The following PLAAT2 variants were observed in gnomAD, a reference collection of about 807,000 sequenced individuals.
The protein encoded by PLAAT2 is HRAS like suppressor 2.
PLAAT2 carries 12 observed loss-of-function variants against 12.8 expected under a neutral mutation model. That is an observed-to-expected ratio of 0.94 (90% confidence interval 0.60 to 1.52). The LOEUF (loss-of-function observed/expected upper bound fraction) is 1.52, where lower values mean the gene tolerates loss of function less well. Among genes scored for constraint, PLAAT2 ranks in the 40% most tolerant of loss-of-function variants. The pLI is 0.00. For missense variants in PLAAT2, 166 were observed against 208.1 expected (o/e 0.80, Z 1.24); for synonymous variants, 79 against 86.8 (o/e 0.91, Z 0.50).
rs2017508713 is a variant in PLAAT2, at chr11:63,560,400, C to G, written c.10-207G>C. Among the ~76,000 whole-genome samples, 2 of 152,242 alleles carry G rather than the reference C, an allele frequency of 1.3e-5. 1 individual carries two copies. The highest frequency in any genetic ancestry group is 3.9e-4 in the East Asian group (2 of 5,192). On this transcript the variant is annotated intron_variant, in intron 1 of 3. Coordinates refer to ENST00000255695, the MANE Select transcript of PLAAT2 (RefSeq NM_017878.2). ...GACTGAAAAGTTGCTCTTCAGGGGA[C>G]AAGGAGGAGATGAAGAGAGTATCTT...
chr11:63,561,600 G>T (rs776968643), intron 1 of PLAAT2, among the ~76,000 whole-genome samples: 1 of 136,188 alleles, frequency 7.3e-6, no homozygotes, highest in Non-Finnish European at 1.5e-5. Context: ...AGCAGAGATC[G>T]TGCCACTGCA....
chr11:63,557,984 G>C (rs768161799), intron 3 of PLAAT2, among the ~76,000 whole-genome samples: 1 of 152,150 alleles, frequency 6.6e-6, no homozygotes, highest in Non-Finnish European at 1.5e-5. Flanking sequence ...ACACATGTAG[G>C]TTTAACTCCC....
At chr11:63,554,079 A>G (rs894120105) in intron 3 of PLAAT2, among the ~76,000 whole-genome samples, 3 of 148,188 alleles carry the variant, frequency 2.0e-5, no homozygotes, top group Non-Finnish European at 4.5e-5. Flanking sequence ...GCTAGCCGAG[A>G]CAGTCTGCTG....
At chr11:63,563,517 G>T, upstream of PLAAT2, 1 of 592,732 alleles carries the variant, frequency 1.7e-6, no homozygotes, top group Non-Finnish European at 3.0e-6. Context: ...AGGAGATCGA[G>T]ACCATCCTGA....
chr11:63,563,907 A>G (rs1451881133), upstream of PLAAT2, among the ~76,000 whole-genome samples: 1 of 152,110 alleles, frequency 6.6e-6, no homozygotes, highest in Non-Finnish European at 1.5e-5. Flanking sequence ...CACAGCTGAC[A>G]ATCACCAAGT....
upstream of PLAAT2, among the ~76,000 whole-genome samples, chr11:63,563,991 A>T (rs765208203): frequency 6.6e-6 from 1 of 152,078 alleles, no homozygotes; most frequent in Non-Finnish European, 1.5e-5. Context: ...ATGGGGGAAA[A>T]TTTCAAAAAG....
At chr11:63,558,892 A>G (rs1294942870) in intron 2 of PLAAT2, among the ~76,000 whole-genome samples, 2 of 152,232 alleles carry the variant, frequency 1.3e-5, no homozygotes, top group African/African-American at 4.8e-5. Flanking sequence ...GCTCTAAAGG[A>G]CCATGTGAGT....
Position 63,552,889 on chromosome 11 carries a change from A to T in PLAAT2, c.*75T>A. On this transcript the variant is annotated 3_prime_UTR_variant, in exon 4 of 4. Transcript: ENST00000255695. Reference sequence around the variant, plus strand: ...TGAACACAAAACAGTAAAATCAGTAAACCAAACTCCACTCCTGCTGGCTAA... The same window carrying T: ...TGAACACAAAACAGTAAAATCAGTATACCAAACTCCACTCCTGCTGGCTAA... The T allele has an allele frequency of 1.0e-6, 1 of 988,070 alleles. No individual in the cohort carries two copies. Among genetic ancestry groups the T allele is most frequent in the Non-Finnish European group, 1.6e-6 (1 of 622,640 alleles). The allele number at this position is 988,070 out of a possible 1,614,324, so 61.2% of individuals were successfully genotyped here.
At chr11:63,561,574 G>A (rs2017518646) in intron 1 of PLAAT2, among the ~76,000 whole-genome samples, 1 of 148,870 alleles carries the variant, frequency 6.7e-6, no homozygotes. Flanking sequence ...GAACCCGGGA[G>A]GCAGGGGTTG....
At chr11:63,557,133 T>C (rs1383472575) in intron 3 of PLAAT2, among the ~76,000 whole-genome samples, 5 of 152,242 alleles carry the variant, frequency 3.3e-5, no homozygotes, top group East Asian at 3.8e-4. Flanking sequence ...ATATGTAATA[T>C]GCAATATACC....
At chr11:63,553,367 C>G (rs1185382184) in intron 3 of PLAAT2, among the ~76,000 whole-genome samples, 1 of 151,972 alleles carries the variant, frequency 6.6e-6, no homozygotes, top group Non-Finnish European at 1.5e-5. Flanking sequence ...AGGTCGGGCT[C>G]AGTGGTTCAC....
intron 3 of PLAAT2, among the ~76,000 whole-genome samples, chr11:63,555,149 C>T (rs2017455360): frequency 6.6e-6 from 1 of 152,120 alleles, no homozygotes; most frequent in Non-Finnish European, 1.5e-5. Context: ...TTCTAACCTC[C>T]CACGGATATT....
chr11:63,558,310 C>T (rs959427743), intron 3 of PLAAT2, 82 bp downstream of exon 3: 5 of 1,501,556 alleles, frequency 3.3e-6, no homozygotes, highest in African/African-American at 1.4e-5. Context: ...TCCATCCCAC[C>T]CTGGCCCCAG....
In PLAAT2 at chr11:63,560,127, T is replaced by C; in HGVS notation, c.76A>G (p.Ile26Val). Residue 26 changes from isoleucine (I) to valine (V), a missense_variant, in exon 2 of 4, where the codon ATC becomes GTC. Transcript: ENST00000255695. ...ACCACATAGCCATCTCCCACGTAGATGGCCCAGTGTGCATAGCCAAAGCGA... is the reference window on the plus strand; with the variant it reads ...ACCACATAGCCATCTCCCACGTAGACGGCCCAGTGTGCATAGCCAAAGCGA... The part of the protein sequence containing the change: ...ISRFGYAHWA[I>V]YVGDGYVVHL... 6.2e-7 allele frequency: 1 copy of C among 1,613,800 alleles called. No homozygotes were observed. The highest frequency in any genetic ancestry group is 8.5e-7 in the Non-Finnish European group (1 of 1,179,822).
intron 3 of PLAAT2, among the ~76,000 whole-genome samples, chr11:63,558,091 C>T (rs1037987422): frequency 6.6e-6 from 1 of 152,058 alleles, no homozygotes; most frequent in African/African-American, 2.4e-5. Flanking sequence ...CTCAGTTTCC[C>T]CATCTGTAAA....
intron 2 of PLAAT2, 134 bp downstream of exon 2, chr11:63,559,951 A>G: frequency 1.7e-6 from 1 of 596,022 alleles, no homozygotes; most frequent in Non-Finnish European, 3.0e-6. Flanking sequence ...TAGCAGGAAA[A>G]AGCACAATTC....
At position 63,553,044 on chromosome 11, in the gene PLAAT2, C is replaced by G. The variant is rs146149089; in HGVS notation, c.409G>C (p.Val137Leu). 20 of 1,613,220 alleles carry G rather than the reference C, an allele frequency of 1.2e-5. No homozygotes were observed. The highest frequency in any genetic ancestry group is 1.6e-5 in the Non-Finnish European group (19 of 1,179,512). ...SDQVTGAVTT[V>L]GVAAGLLAAA... is the part of the protein sequence containing the mutation. ...GCCAGCAGGCCTGCTGCCACACCTA[C>G]TGTCGTGACTGCACCAGTGACCTGC... is the stretch of plus-strand genomic sequence containing the variant. The change falls in exon 4 of 4, where the codon GTA becomes CTA. Residue 137 changes from valine (V) to leucine (L), a missense_variant. Physicochemically the swap from Val to Leu is conservative, Grantham distance 32. Transcript: ENST00000255695.
chr11:63,559,925 T>C (rs760978781), intron 2 of PLAAT2, among the ~76,000 whole-genome samples, 160 bp downstream of exon 2: 2 of 152,202 alleles, frequency 1.3e-5, no homozygotes, highest in African/African-American at 4.8e-5. Context: ...AAAAGAAGAA[T>C]AGCAGTTGCT....
chr11:63,559,491 C>T (rs1241979405), intron 2 of PLAAT2, among the ~76,000 whole-genome samples: 2 of 149,142 alleles, frequency 1.3e-5, no homozygotes, highest in Non-Finnish European at 3.0e-5. Context: ...CAGAAAAAGC[C>T]CTTCTCATCT....
Sources: allele counts gnomAD v4.1 joint callset (sites outside exome capture counted in the v4.1 genomes callset), GRCh38; gene constraint gnomAD v4.1.1; transcripts MANE v1.5; gene names NCBI Gene and HGNC (gene_info 2026-07-23, HGNC 2026-07-21).